Variants in EGF observed in about 807,000 individuals in gnomAD.
EGF encodes epidermal growth factor, also known as pro-epidermal growth factor.
EGF carries 95 observed loss-of-function variants against 143.8 expected under a neutral mutation model. The observed-to-expected ratio is 0.66, with a 90% confidence interval of 0.56 to 0.78. The LOEUF (loss-of-function observed/expected upper bound fraction) is 0.78, where lower values mean the gene tolerates loss of function less well. Among genes scored for constraint, EGF ranks in the 30% least tolerant of loss-of-function variants. The probability of loss-of-function intolerance (pLI) is 0.00; values close to 1 mark genes in which losing one functional copy is unlikely to be tolerated. For missense variants in EGF, 1,320 were observed against 1,470.9 expected, an observed-to-expected ratio of 0.90 and a Z score of 1.68; for synonymous variants, 510 against 510.5, an observed-to-expected ratio of 1.00 and a Z score of 0.01.
At position 109,968,707 on chromosome 4, in the gene EGF, T is replaced by TCTATCTATCTAC. The variant is rs139653683; in HGVS notation, c.1576-261_1576-260insTCTATCTACCTA. 5.5e-4 allele frequency: 192 copies of TCTATCTATCTAC among 351,466 alleles called. 1 individual carries two copies. Among genetic ancestry groups the TCTATCTATCTAC allele is most frequent in the African/African-American group, 3.5e-3 (146 of 41,188 alleles). 21.8% of individuals were successfully genotyped at this position (351,466 alleles called of 1,614,324 possible). ...ATCTATCTATCTATCTATCTATCTA[T>TCTATCTATCTAC]CTACCTACCTACCTACCTACCTAAT... On this transcript the variant is annotated intron_variant, in intron 10 of 23. Coordinates refer to ENST00000265171, the MANE Select transcript of EGF (RefSeq NM_001963.6).
intron 21 of EGF, chr4:110,002,137 AT>A: frequency 1.4e-6 from 1 of 699,284 alleles, no homozygotes; most frequent in South Asian, 6.5e-5. Context: ...CCCTTATACC[AT>A]TCCTTGCCTG....
intron 16 of EGF, among the ~76,000 whole-genome samples, chr4:109,985,179 G>A (rs1281976052): frequency 6.6e-6 from 1 of 152,188 alleles, no homozygotes; most frequent in African/African-American, 2.4e-5. Flanking sequence ...TTAATACCTG[G>A]AGCCTAGTAC....
chr4:109,962,090 T>C (rs1578269948), intron 8 of EGF, 105 bp downstream of exon 8: 1 of 1,527,520 alleles, frequency 6.5e-7, no homozygotes. Context: ...GATTTTCCAA[T>C]ATTGTATACT....
Position 109,941,163 on chromosome 4 carries a change from A to G in EGF, c.327+18A>G. On this transcript the variant is annotated intron_variant, in intron 2 of 23. Coordinates refer to ENST00000265171, the MANE Select transcript of EGF (RefSeq NM_001963.6). ...GGCAAGAGGTAAAATACCCTTACCT[A>G]CAGTGTTTGAGCTGTTTTTGTACAG... is the stretch of plus-strand genomic sequence containing the variant. 6.2e-7 allele frequency: 1 copy of G among 1,610,018 alleles called. No homozygotes were observed. The highest frequency in any genetic ancestry group is 8.5e-7 in the Non-Finnish European group (1 of 1,176,634).
At chr4:109,973,425 C>G (rs1322092488) in intron 11 of EGF, among the ~76,000 whole-genome samples, 2 of 152,148 alleles carry the variant, frequency 1.3e-5, no homozygotes, top group African/African-American at 4.8e-5. Flanking sequence ...CTGCCTGCTT[C>G]TCATCTTCGT....
chr4:109,993,417 G>T, intron 19 of EGF, 48 bp downstream of exon 19: 1 of 1,610,308 alleles, frequency 6.2e-7, no homozygotes, highest in Non-Finnish European at 8.5e-7. Context: ...TTGGCTCGGG[G>T]ATATTCTATA....
rs1171436042 is a variant in EGF at position 109,974,812 on chromosome 4, G to T, written c.1829+5G>T. On this transcript the variant is annotated splice_donor_5th_base_variant and intron_variant, in intron 12 of 23. Transcript: ENST00000265171. ...TGCTGTTCATCCAATGGCCAAGTAGGTATTTGTAAAAATAAGGCACTGCTC... is the reference window on the plus strand; with the variant it reads ...TGCTGTTCATCCAATGGCCAAGTAGTTATTTGTAAAAATAAGGCACTGCTC... The T allele has an allele frequency of 2.5e-6, 4 of 1,609,762 alleles. No homozygotes were observed. The Admixed American group carries it at 5.0e-5, about 20-fold the overall frequency.
intron 21 of EGF, 80 bp downstream of exon 21, chr4:109,999,926 G>A (rs771141915): frequency 2.0e-5 from 32 of 1,576,906 alleles, no homozygotes; most frequent in Non-Finnish European, 2.6e-5. Flanking sequence ...GAGATGAGAT[G>A]TATGAAATAG....
rs969302718 is a variant in EGF, at chr4:110,011,618, T to A, written c.*163T>A. ...GATACGTAGTTGTGCTTTTGTTTGC[T>A]CTTTTAAGCAGTCTCACTGCAGTCT... is the stretch of plus-strand genomic sequence containing the variant. On this transcript the variant is annotated 3_prime_UTR_variant, in exon 24 of 24. Coordinates refer to ENST00000265171, the MANE Select transcript of EGF (RefSeq NM_001963.6). 1.2e-5 allele frequency: 13 copies of A among 1,109,212 alleles called. No homozygotes were observed. The highest frequency in any genetic ancestry group is 3.1e-5 in the African/African-American group (2 of 63,792). The allele number at this position is 1,109,212 out of a possible 1,614,324, so 68.7% of individuals were successfully genotyped here. A position where few individuals can be genotyped will look rare whatever the true frequency, so the allele number is the denominator to read the frequency against.
chr4:109,993,920 G>A (rs776547333), intron 19 of EGF, among the ~76,000 whole-genome samples: 1 of 151,960 alleles, frequency 6.6e-6, no homozygotes, highest in Non-Finnish European at 1.5e-5. Context: ...GCTTCACCTA[G>A]ACCCTGGAGA....
Position 109,974,710 on chromosome 4 carries a change from CT to C in EGF, c.1733del (p.Leu578ArgfsTer7). On this transcript the variant is annotated frameshift_variant, in exon 12 of 24. Coordinates refer to ENST00000265171, the MANE Select transcript of EGF (RefSeq NM_001963.6). LOFTEE classifies it high-confidence loss of function. ...RFYWTDRGKS[L>X]IGRSDLNGKR... ...ATTTTGCACATATTTTAGGAAATCT[CT>C]GATTGGAAGGAGTGATTTAAATGGG... The C allele has an allele frequency of 6.2e-7, 1 of 1,612,348 alleles. No individual in the cohort carries two copies. The highest frequency in any genetic ancestry group is 8.5e-7 in the Non-Finnish European group (1 of 1,178,590).
intron 1 of EGF, among the ~76,000 whole-genome samples, chr4:109,937,773 G>A (rs988793525): frequency 6.6e-6 from 1 of 152,064 alleles, no homozygotes; most frequent in South Asian, 2.1e-4. Context: ...CACTTATGAA[G>A]CTTAGTTTGT....
chr4:109,984,500 C>T (rs924362987), intron 16 of EGF, among the ~76,000 whole-genome samples: 3 of 151,978 alleles, frequency 2.0e-5, no homozygotes, highest in Admixed American at 1.3e-4. Flanking sequence ...GGATTGATTC[C>T]AGGATTCCCA....
intron 23 of EGF, among the ~76,000 whole-genome samples, chr4:110,009,898 G>A (rs561469905): frequency 6.6e-6 from 1 of 152,206 alleles, no homozygotes; most frequent in Non-Finnish European, 1.5e-5. Context: ...ACATGCTAGG[G>A]GCAGCTGACT....
rs899459812 is a variant in EGF, at chr4:110,008,173, C to T, written c.3313C>T (p.Gln1105Ter). ...QPWFVVIKEHQDLKNGGQPVA... is the reference protein window; with the variant it reads ...QPWFVVIKEH Reference sequence around the variant, plus strand: ...GCAGTTTGTGGTTATAAAAGAACACCAAGACCTCAAGAATGGGGGTCAACC... The same window carrying T: ...GCAGTTTGTGGTTATAAAAGAACACTAAGACCTCAAGAATGGGGGTCAACC... The change falls in exon 23 of 24, where the codon CAA (glutamine) becomes TAA (stop). Residue 1105 changes from glutamine (Q) to a stop codon, truncating the protein, a stop_gained. Transcript: ENST00000265171. LOFTEE classifies it high-confidence loss of function. 6.2e-7 allele frequency: 1 copy of T among 1,613,866 alleles called. No individual in the cohort carries two copies.
At chr4:109,993,453 T>G in intron 19 of EGF, 84 bp downstream of exon 19, 2 of 1,579,610 alleles carry the variant, frequency 1.3e-6, no homozygotes, top group Non-Finnish European at 1.7e-6. Context: ...GCATTAGAGA[T>G]TCTAAAAATC....
intron 18 of EGF, chr4:109,992,517 C>T (rs1256549920): frequency 1.3e-5 from 2 of 152,156 alleles, no homozygotes; most frequent in Non-Finnish European, 2.9e-5. Flanking sequence ...ACTAGTTCAA[C>T]CCCTGTGGAA....
At chr4:109,987,292 G>A (rs918538333) in intron 16 of EGF, among the ~76,000 whole-genome samples, 8 of 152,074 alleles carry the variant, frequency 5.3e-5, no homozygotes, top group African/African-American at 1.9e-4. Flanking sequence ...ATGGGACTTT[G>A]GGACTATGCA....
chr4:109,939,332 G>C (rs1741491546), intron 1 of EGF, among the ~76,000 whole-genome samples: 2 of 152,254 alleles, frequency 1.3e-5, no homozygotes, highest in South Asian at 2.1e-4. Flanking sequence ...CCATGGGTAT[G>C]GGACCAGCTG....
Sources: allele counts gnomAD v4.1 joint callset (sites outside exome capture counted in the v4.1 genomes callset), GRCh38; gene constraint gnomAD v4.1.1; transcripts MANE v1.5; gene names NCBI Gene and HGNC (gene_info 2026-07-23, HGNC 2026-07-21).